The following TENM3 variants were observed in gnomAD, a reference collection of about 807,000 sequenced individuals.
The protein encoded by TENM3 is teneurin-3.
TENM3 carries 63 observed loss-of-function variants against 255.1 expected under a neutral mutation model. That is an observed-to-expected ratio of 0.25 (90% CI 0.20 to 0.30). The LOEUF is 0.30. Among genes scored for constraint, TENM3 ranks in the 10% least tolerant of loss-of-function variants. The pLI, the probability that TENM3 is intolerant of heterozygous loss-of-function variation, is 1.00. For missense variants in TENM3, 2,929 were observed against 3,461.1 expected (o/e 0.85, Z 3.86); for synonymous variants, 1,306 against 1,322.3 (o/e 0.99, Z 0.27).
At chr4:182,485,874 TAC>T (rs1219416819) in intron 3 of TENM3, among the ~76,000 whole-genome samples, 1 of 152,146 alleles carries the variant, frequency 6.6e-6, no homozygotes, top group Non-Finnish European at 1.5e-5. Context: ...ACTGGTTTTA[TAC>T]AGTTTTATGT....
At chr4:182,762,817 C>T (rs1443182685) in intron 22 of TENM3, among the ~76,000 whole-genome samples, 1 of 144,758 alleles carries the variant, frequency 6.9e-6, no homozygotes, top group Non-Finnish European at 1.5e-5. Context: ...GTTGGGGATA[C>T]TATCATCTAC....
At chr4:182,185,079 G>A (rs1023109881) in intron 1 of TENM3, among the ~76,000 whole-genome samples, 1 of 99,788 alleles carries the variant, frequency 1.0e-5, no homozygotes, top group Non-Finnish European at 2.1e-5. Context: ...GCAAAACTCT[G>A]TCAAAAAAAA....
chr4:182,220,879 A>G (rs183066173), intron 1 of TENM3, among the ~76,000 whole-genome samples: 1 of 152,280 alleles, frequency 6.6e-6, no homozygotes, highest in East Asian at 1.9e-4. Flanking sequence ...TAGAAAGAAT[A>G]TTTTTCTTCT....
At chr4:182,712,891 GATGAATAGCCAGTT>G (rs1228922628) in intron 12 of TENM3, among the ~76,000 whole-genome samples, 1 of 152,132 alleles carries the variant, frequency 6.6e-6, no homozygotes, top group Non-Finnish European at 1.5e-5. Context: ...ACAGAAATCT[GATGAATAGCCAGTT>G]ATTCTTAGAA....
At chr4:182,264,088 C>G (rs1759070151) in intron 1 of TENM3, among the ~76,000 whole-genome samples, 1 of 152,186 alleles carries the variant, frequency 6.6e-6, no homozygotes, top group African/African-American at 2.4e-5. Context: ...TGGCTTCTCT[C>G]TCTCTCTGTG....
chr4:181,713,237 A>T, the TENM3 span, among the ~76,000 whole-genome samples: 2 of 152,168 alleles, frequency 1.3e-5, no homozygotes, highest in Non-Finnish European at 2.9e-5. Context: ...CATTGCTACA[A>T]AGAAGAGGTT....
the TENM3 span, among the ~76,000 whole-genome samples, chr4:181,794,357 G>T: frequency 6.6e-6 from 1 of 151,942 alleles, no homozygotes; most frequent in Non-Finnish European, 1.5e-5. Flanking sequence ...ATTATTAACT[G>T]TAGTCACCAC....
chr4:181,945,313 TA>T, the TENM3 span, among the ~76,000 whole-genome samples: 1 of 152,040 alleles, frequency 6.6e-6, no homozygotes, highest in Non-Finnish European at 1.5e-5. Flanking sequence ...AGAGGCGAAT[TA>T]AAATAGTAAT....
the TENM3 span, among the ~76,000 whole-genome samples, chr4:181,819,618 AG>A: frequency 6.6e-6 from 1 of 152,136 alleles, no homozygotes; most frequent in Non-Finnish European, 1.5e-5. Flanking sequence ...GGAGGGTGGC[AG>A]GGGGATGATT....
the TENM3 span, among the ~76,000 whole-genome samples, chr4:181,630,252 TG>T: frequency 6.6e-6 from 1 of 152,146 alleles, no homozygotes; most frequent in South Asian, 2.1e-4. Context: ...ATCTTGCTAG[TG>T]GTCTATCAAT....
the TENM3 span, among the ~76,000 whole-genome samples, chr4:182,137,089 GCTAATGACAT>G: frequency 6.6e-6 from 1 of 152,132 alleles, no homozygotes; most frequent in South Asian, 2.1e-4. Flanking sequence ...TGGAAGCATG[GCTAATGACAT>G]CAGCAAGCTT....
At chr4:181,596,994 T>C in the TENM3 span, among the ~76,000 whole-genome samples, 12 of 152,136 alleles carry the variant, frequency 7.9e-5, no homozygotes, top group Non-Finnish European at 1.3e-4. Context: ...GTACTTAATA[T>C]TAATCTGTAC....
intron 3 of TENM3, among the ~76,000 whole-genome samples, chr4:182,421,274 A>C (rs960409777): frequency 2.6e-5 from 4 of 152,128 alleles, no homozygotes; most frequent in African/African-American, 7.2e-5. Flanking sequence ...AGAAAAGTAG[A>C]TAGAGAGGAC....
chr4:182,330,002 C>A (rs1763647999), intron 2 of TENM3, among the ~76,000 whole-genome samples: 1 of 150,152 alleles, frequency 6.7e-6, no homozygotes. Context: ...TAAATAACAC[C>A]AATAATGAAT....
intron 3 of TENM3, among the ~76,000 whole-genome samples, chr4:182,368,192 G>A (rs1766557572): frequency 6.6e-6 from 1 of 152,156 alleles, no homozygotes; most frequent in Non-Finnish European, 1.5e-5. Flanking sequence ...CCGTAATGAG[G>A]GTTTTGCAGC....
chr4:182,119,319 G>A, the TENM3 span, among the ~76,000 whole-genome samples: 1 of 152,126 alleles, frequency 6.6e-6, no homozygotes, highest in African/African-American at 2.4e-5. Flanking sequence ...ATATACACCA[G>A]GAAGAACTGG....
the TENM3 span, among the ~76,000 whole-genome samples, chr4:181,448,386 T>C: frequency 6.6e-6 from 1 of 151,138 alleles, no homozygotes; most frequent in East Asian, 2.0e-4. Flanking sequence ...TTAGCCGGGA[T>C]GGTCTCGATC....
the TENM3 span, among the ~76,000 whole-genome samples, chr4:181,918,466 G>A: frequency 5.4e-3 from 820 of 152,022 alleles, 8 homozygotes; most frequent in African/African-American, 0.017. Flanking sequence ...TTTTTTAAAC[G>A]AAAGAACAGT....
At chr4:182,492,033 C>T (rs1212779747) in intron 3 of TENM3, among the ~76,000 whole-genome samples, 1 of 152,082 alleles carries the variant, frequency 6.6e-6, no homozygotes, top group Non-Finnish European at 1.5e-5. Context: ...GTGTGCTGAG[C>T]TGAAGGAAGA....
Sources: gnomAD v4.1 joint callset for allele counts (sites outside exome capture counted in the v4.1 genomes callset) on GRCh38, gnomAD v4.1.1 for gene constraint, MANE v1.5 for transcripts, NCBI Gene and HGNC (gene_info 2026-07-23, HGNC 2026-07-21) for gene names.